VWC2L: variants seen among roughly 807,000 people sequenced by gnomAD.
The protein encoded by VWC2L is von Willebrand factor C domain containing 2 like, also known as von Willebrand factor C domain-containing protein 2-like.
VWC2L carries 10 observed loss-of-function variants against 21.6 expected under a neutral mutation model. The ratio of observed to expected loss-of-function variants is 0.46; its 90% CI spans 0.29 to 0.78. The LOEUF (loss-of-function observed/expected upper bound fraction) is 0.78, where lower values mean the gene tolerates loss of function less well. VWC2L is among the 30% of genes least tolerant of loss of function. The probability of loss-of-function intolerance (pLI) is 0.10; values close to 1 mark genes in which losing one functional copy is unlikely to be tolerated. For missense variants in VWC2L, 209 were observed against 277.1 expected (o/e 0.75, Z 1.74); for synonymous variants, 96 against 94.3 (o/e 1.02, Z -0.10).
At chr2:214,513,615 T>G (rs1689093403) in intron 3 of VWC2L, among the ~76,000 whole-genome samples, 1 of 152,098 alleles carries the variant, frequency 6.6e-6, no homozygotes, top group Non-Finnish European at 1.5e-5. Context: ...TATTCATTCA[T>G]TCACTCATTC....
At chr2:214,556,563 A>G (rs1460997278) in intron 3 of VWC2L, among the ~76,000 whole-genome samples, 1 of 152,214 alleles carries the variant, frequency 6.6e-6, no homozygotes, top group Admixed American at 6.5e-5. Flanking sequence ...CTACAACAAT[A>G]TAATATCTTT....
At chr2:214,433,097 A>T (rs531897401) in intron 2 of VWC2L, among the ~76,000 whole-genome samples, 1 of 150,100 alleles carries the variant, frequency 6.7e-6, no homozygotes, top group Non-Finnish European at 1.5e-5. Flanking sequence ...TTAGTTATTT[A>T]AAAACACTAA....
intron 3 of VWC2L, among the ~76,000 whole-genome samples, chr2:214,551,697 C>T (rs1436961414): frequency 6.6e-6 from 1 of 152,236 alleles, no homozygotes; most frequent in Non-Finnish European, 1.5e-5. Flanking sequence ...ATGATTCCCA[C>T]TTGCCTAGCA....
intron 2 of VWC2L, among the ~76,000 whole-genome samples, chr2:214,416,810 A>T (rs966834086): frequency 1.3e-5 from 2 of 152,118 alleles, no homozygotes; most frequent in African/African-American, 2.4e-5. Flanking sequence ...GAGAGGTTGG[A>T]AATTCTTAAT....
chr2:214,556,327 G>T (rs1294719052), intron 3 of VWC2L, among the ~76,000 whole-genome samples: 1 of 152,168 alleles, frequency 6.6e-6, no homozygotes, highest in Non-Finnish European at 1.5e-5. Flanking sequence ...CAAACTGATT[G>T]TTTTTCTGGC....
chr2:214,431,414 T>A (rs1193958317), intron 2 of VWC2L, among the ~76,000 whole-genome samples: 1 of 152,202 alleles, frequency 6.6e-6, no homozygotes, highest in East Asian at 1.9e-4. Context: ...AAGATTTTCT[T>A]TGATCATTTT....
chr2:214,543,389 G>A lies in VWC2L; in HGVS notation c.521-32283G>A, dbSNP rs932783855. ...CACATGAATGAAATTCAACTGGATAGGAATTATAGGGAAAAGCTAATTCTA... is the reference window on the plus strand; with the variant it reads ...CACATGAATGAAATTCAACTGGATAAGAATTATAGGGAAAAGCTAATTCTA... On this transcript the variant is annotated intron_variant, in intron 3 of 3. Coordinates refer to ENST00000312504, the MANE Select transcript of VWC2L (RefSeq NM_001080500.4). Among the ~76,000 whole-genome samples, 11 of 152,148 alleles carry A rather than the reference G, an allele frequency of 7.2e-5. 1 individual carries two copies. Among genetic ancestry groups the A allele is most frequent in the African/African-American group, 2.2e-4 (9 of 41,420 alleles).
Position 214,522,268 on chromosome 2 carries a change from C to G in VWC2L, c.521-53404C>G, listed in dbSNP as rs564751381. On this transcript the variant is annotated intron_variant, in intron 3 of 3. Coordinates refer to ENST00000312504, the MANE Select transcript of VWC2L (RefSeq NM_001080500.4). ...CGGGAGCCTGTAGTCCCAGCTACTCCGGAGGGTGACGCAGGAGAATGGCGT... is the reference window on the plus strand; with the variant it reads ...CGGGAGCCTGTAGTCCCAGCTACTCGGGAGGGTGACGCAGGAGAATGGCGT... Among the ~76,000 whole-genome samples, 54 of 148,500 alleles carry G rather than the reference C, an allele frequency of 3.6e-4. 1 individual carries two copies. The Middle Eastern group carries it at 0.011, about 30-fold the overall frequency.
At chr2:214,489,978 G>T (rs1192989714) in intron 3 of VWC2L, among the ~76,000 whole-genome samples, 2 of 152,206 alleles carry the variant, frequency 1.3e-5, no homozygotes, top group Non-Finnish European at 2.9e-5. Context: ...GCAGGAACTA[G>T]TCACTGGGTG....
intron 3 of VWC2L, among the ~76,000 whole-genome samples, chr2:214,441,280 T>C (rs1702759936): frequency 6.6e-6 from 1 of 152,036 alleles, no homozygotes; most frequent in Admixed American, 6.6e-5. Flanking sequence ...AAATTGTTAA[T>C]ATATCTAATA....
chr2:214,431,800 T>G (rs376320620), intron 2 of VWC2L, among the ~76,000 whole-genome samples: 10 of 152,220 alleles, frequency 6.6e-5, no homozygotes, highest in Admixed American at 5.2e-4. Context: ...TCTCAGACCC[T>G]TTAGCAATTC....
At chr2:214,532,496 A>T (rs993460155) in intron 3 of VWC2L, among the ~76,000 whole-genome samples, 5 of 152,104 alleles carry the variant, frequency 3.3e-5, no homozygotes, top group Non-Finnish European at 5.9e-5. Context: ...TAACAGTTCG[A>T]TATAATCCTT....
At chr2:214,414,701 A>G in intron 2 of VWC2L, 118 bp downstream of exon 2, 1 of 1,145,724 alleles carries the variant, frequency 8.7e-7, no homozygotes, top group Non-Finnish European at 1.2e-6. Context: ...TTTAAATTAT[A>G]CAATTTGATT....
chr2:214,573,458 G>A (rs944556228), intron 3 of VWC2L, among the ~76,000 whole-genome samples: 3 of 152,130 alleles, frequency 2.0e-5, no homozygotes, highest in African/African-American at 7.2e-5. Context: ...TGGTTACAAG[G>A]GGACAGGTGG....
intron 3 of VWC2L, among the ~76,000 whole-genome samples, chr2:214,471,782 C>T (rs1703313499): frequency 6.6e-6 from 1 of 152,210 alleles, no homozygotes; most frequent in African/African-American, 2.4e-5. Context: ...AATTATATTA[C>T]TCTAGATGTG....
chr2:214,560,204 T>G (rs1689944365), intron 3 of VWC2L, among the ~76,000 whole-genome samples: 1 of 152,232 alleles, frequency 6.6e-6, no homozygotes, highest in African/African-American at 2.4e-5. Context: ...ACGGCATGTG[T>G]AATAATGTGT....
chr2:214,443,909 T>G (rs1702799232), intron 3 of VWC2L, among the ~76,000 whole-genome samples: 1 of 152,168 alleles, frequency 6.6e-6, no homozygotes, highest in South Asian at 2.1e-4. Context: ...TTGCAGATGA[T>G]ATGTGATTGC....
chr2:214,570,138 A>G (rs1263217233), intron 3 of VWC2L, among the ~76,000 whole-genome samples: 1 of 152,132 alleles, frequency 6.6e-6, no homozygotes, highest in African/African-American at 2.4e-5. Flanking sequence ...TTTATGGTCT[A>G]TCTTGAGGAG....
intron 3 of VWC2L, among the ~76,000 whole-genome samples, chr2:214,516,869 G>A (rs1482937630): frequency 6.6e-6 from 1 of 152,060 alleles, no homozygotes; most frequent in Admixed American, 6.6e-5. Context: ...TTCCTCATAC[G>A]TAAAATGAAA....
Sources: allele counts gnomAD v4.1 joint callset (sites outside exome capture counted in the v4.1 genomes callset), GRCh38; gene constraint gnomAD v4.1.1; transcripts MANE v1.5; gene names NCBI Gene and HGNC (gene_info 2026-07-23, HGNC 2026-07-21).